The following SNX25 variants were observed in gnomAD, a reference collection of about 807,000 sequenced individuals.
The protein encoded by SNX25 is sorting nexin-25.
Under a neutral mutation model 113.7 loss-of-function variants are expected in SNX25, and 62 were observed. The ratio of observed to expected loss-of-function variants is 0.55; its 90% CI spans 0.44 to 0.67. The LOEUF (loss-of-function observed/expected upper bound fraction) is 0.67, where lower values mean the gene tolerates loss of function less well. SNX25 is among the 30% of genes least tolerant of loss of function. SNX25 has a pLI of 0.00. For synonymous variants in SNX25, 421 were observed against 436.2 expected (o/e 0.97, Z 0.43); for missense variants, 1,014 against 1,161.0 (o/e 0.87, Z 1.84).
intron 2 of SNX25, among the ~76,000 whole-genome samples, chr4:185,257,135 G>T (rs1746566443): frequency 7.3e-6 from 1 of 137,192 alleles, no homozygotes; most frequent in African/African-American, 2.8e-5. Flanking sequence ...TATCTGAAAT[G>T]ACATCTGCAA....
At chr4:185,271,449 A>G (rs1748918166) in intron 5 of SNX25, among the ~76,000 whole-genome samples, 1 of 152,160 alleles carries the variant, frequency 6.6e-6, no homozygotes, top group Non-Finnish European at 1.5e-5. Context: ...AATTTTTGCC[A>G]TGTTGGCCAG....
rs1183511504 is a variant in SNX25, at chr4:185,363,144, C to G, written c.2935-241C>G. ...AGGCGGGAGCCACCTCGCCCATCCTCCCTTGACTTTTGATATCACATTGCC... is the reference window on the plus strand; with the variant it reads ...AGGCGGGAGCCACCTCGCCCATCCTGCCTTGACTTTTGATATCACATTGCC... On this transcript the variant is annotated intron_variant, in intron 18 of 18. Transcript: ENST00000652585. The surrounding 1 kb of genome is among the most constrained non-coding windows in gnomAD (Gnocchi z 4.2). 1.3e-5 allele frequency among the ~76,000 whole-genome samples: 2 copies of G among 151,972 alleles called. No individual in the cohort carries two copies. Among genetic ancestry groups the G allele is most frequent in the African/African-American group, 2.4e-5 (1 of 41,408 alleles).
chr4:185,288,100 T>A lies in SNX25; in HGVS notation c.1162+18T>A, dbSNP rs1751598315. Reference sequence around the variant, plus strand: ...GCACAAAGGTAAGAGCCAGGTTGTTTTCTTCAGTTCCACATCTGAAAGGTC... The same window carrying A: ...GCACAAAGGTAAGAGCCAGGTTGTTATCTTCAGTTCCACATCTGAAAGGTC... On this transcript the variant is annotated intron_variant, in intron 6 of 18. Coordinates refer to ENST00000652585, the MANE Select transcript of SNX25 (RefSeq NM_001378034.2). 1 of 1,606,700 alleles carries A rather than the reference T, an allele frequency of 6.2e-7. No homozygotes were observed. Among genetic ancestry groups the A allele is most frequent in the Non-Finnish European group, 8.5e-7 (1 of 1,175,710 alleles).
In SNX25 at chr4:185,301,867, G is replaced by A. The variant is rs9714939; in HGVS notation, c.1163-8768G>A. 5.9e-3 allele frequency among the ~76,000 whole-genome samples: 857 copies of A among 144,960 alleles called. 3 individuals are homozygous for A. Among genetic ancestry groups the A allele is most frequent in the Non-Finnish European group, 8.0e-3 (532 of 66,514 alleles). On this transcript the variant is annotated intron_variant, in intron 6 of 18. Coordinates refer to ENST00000652585, the MANE Select transcript of SNX25 (RefSeq NM_001378034.2). ...CTTCCAAAGTGCTGGGATTACAGGC[G>A]TGACCCACCATGCCTGGCCCTTAGT...
intron 12 of SNX25, among the ~76,000 whole-genome samples, 175 bp from the exon 13 acceptor site, chr4:185,346,362 A>G (rs1373863173): frequency 6.6e-6 from 1 of 152,182 alleles, no homozygotes; most frequent in Non-Finnish European, 1.5e-5. Context: ...AGTTTTTTCC[A>G]TCAAAGTTTC....
Position 185,344,126 on chromosome 4 carries a change from C to T in SNX25, c.2187+2010C>T, listed in dbSNP as rs1579866128. ...GTCTCAGTTTCTCAAGAGGCTGAGG[C>T]AAAAGAATCACTTGAACCTGGGAGG... On this transcript the variant is annotated intron_variant, in intron 12 of 18. Coordinates refer to ENST00000652585, the MANE Select transcript of SNX25 (RefSeq NM_001378034.2). Among the ~76,000 whole-genome samples the T allele has an allele frequency of 5.9e-5, 9 of 152,208 alleles. No homozygotes were observed. The South Asian group carries it at 1.9e-3, about 32-fold the overall frequency.
chr4:185,374,191 C>T (rs1156680889), downstream of SNX25: 1 of 1,614,150 alleles, frequency 6.2e-7, no homozygotes, highest in East Asian at 2.2e-5. Context: ...ATACTTTGAG[C>T]CTTCACACTA....
At chr4:185,297,125 A>T (rs1752945059) in intron 6 of SNX25, among the ~76,000 whole-genome samples, 1 of 152,016 alleles carries the variant, frequency 6.6e-6, no homozygotes, top group Non-Finnish European at 1.5e-5. Context: ...TTTGTTCCTA[A>T]CTCTTTTATA....
chr4:185,214,519 G>A (rs1411968514), intron 1 of SNX25, among the ~76,000 whole-genome samples: 1 of 152,000 alleles, frequency 6.6e-6, no homozygotes. Context: ...GCTGCAGTGA[G>A]CCATGATCAC....
At chr4:185,367,316 T>TC, downstream of SNX25, 3 of 1,305,618 alleles carry the variant, frequency 2.3e-6, no homozygotes, top group Non-Finnish European at 3.2e-6. Context: ...TTTTTTTTTT[T>TC]CTTTTTTGAT....
chr4:185,263,005 A>C (rs965574623), intron 3 of SNX25, among the ~76,000 whole-genome samples: 1 of 152,178 alleles, frequency 6.6e-6, no homozygotes, highest in Non-Finnish European at 1.5e-5. Flanking sequence ...TTCCAGGGAG[A>C]GATCTGCCAT....
chr4:185,221,033 AT>A lies in SNX25; in HGVS notation c.429+10793del, dbSNP rs34885137. ...AGGTGGGTGCCACCACACCCAGCTA[AT>A]TTTTTTTTTTTTTTCTGAGACAGGA... On this transcript the variant is annotated intron_variant, in intron 1 of 18. Coordinates refer to ENST00000652585, the MANE Select transcript of SNX25 (RefSeq NM_001378034.2). Among the ~76,000 whole-genome samples the A allele has an allele frequency of 2.2e-3, 308 of 141,456 alleles. 2 individuals are homozygous for A. The highest frequency in any genetic ancestry group is 7.5e-3 in the Middle Eastern group (2 of 266). 92.8% of individuals were successfully genotyped at this position (141,456 alleles called of 152,430 possible). A position where few individuals can be genotyped will look rare whatever the true frequency, so the allele number is the denominator to read the frequency against.
In SNX25 at chr4:185,361,984, T is replaced by C. The variant is rs2095366643; in HGVS notation, c.2712T>C (p.Asn904=). ...AGCAAATGTTGGTTTACTACATCAA[T>C]ATTTTCCGGGATGCTTTTTGGCCAA... ...FSEQMLVYYI[N]IFRDAFWPNG... The change falls in exon 17 of 19, where the codon AAT becomes AAC. Residue 904 remains asparagine (N), a synonymous_variant. Transcript: ENST00000652585. 6.2e-7 allele frequency: 1 copy of C among 1,614,134 alleles called. No homozygotes were observed. Among genetic ancestry groups the C allele is most frequent in the Non-Finnish European group, 8.5e-7 (1 of 1,180,020 alleles).
At chr4:185,310,917 C>A in intron 7 of SNX25, 101 bp downstream of exon 7, 1 of 1,129,546 alleles carries the variant, frequency 8.9e-7, no homozygotes, top group Non-Finnish European at 1.2e-6. Flanking sequence ...TGAACTTAGA[C>A]ATGTGTGCCA....
chr4:185,220,648 A>AT, intron 1 of SNX25, among the ~76,000 whole-genome samples: 1 of 151,742 alleles, frequency 6.6e-6, no homozygotes, highest in Admixed American at 6.6e-5. Context: ...GCCTGGCTAA[A>AT]TTTTTGTATT....
intron 5 of SNX25, among the ~76,000 whole-genome samples, chr4:185,287,207 C>A (rs1399122776): frequency 6.6e-6 from 1 of 152,188 alleles, no homozygotes; most frequent in African/African-American, 2.4e-5. Flanking sequence ...GTACTCAGCA[C>A]TTAAAATGTA....
chr4:185,268,718 TC>T (rs992247889), intron 5 of SNX25, among the ~76,000 whole-genome samples: 4 of 152,188 alleles, frequency 2.6e-5, no homozygotes, highest in African/African-American at 9.6e-5. Flanking sequence ...ATTTTCTGAT[TC>T]GAATAAAGCA....
chr4:185,308,174 T>C (rs781708954), intron 6 of SNX25, among the ~76,000 whole-genome samples: 96 of 152,242 alleles, frequency 6.3e-4, no homozygotes, highest in Non-Finnish European at 7.8e-4. Context: ...CCTTCAGGTA[T>C]ATATACACAG....
chr4:185,292,360 A>G (rs1169051986), intron 6 of SNX25, among the ~76,000 whole-genome samples: 2 of 152,112 alleles, frequency 1.3e-5, no homozygotes, highest in Non-Finnish European at 2.9e-5. Flanking sequence ...TGCGGGGACC[A>G]AGGAGGGAGG....
Sources: allele counts gnomAD v4.1 joint callset (sites outside exome capture counted in the v4.1 genomes callset), GRCh38; gene constraint gnomAD v4.1.1; non-coding constraint Gnocchi (gnomAD v3.1); transcripts MANE v1.5; gene names NCBI Gene and HGNC (gene_info 2026-07-23, HGNC 2026-07-21).